Variants in RET observed in about 807,000 individuals in gnomAD.
RET encodes the protein ret proto-oncogene.
In RET, 19 loss-of-function variants were observed where a neutral mutation model predicts 118.3. That is an observed-to-expected ratio of 0.16 (90% CI 0.11 to 0.24). The LOEUF (loss-of-function observed/expected upper bound fraction) is 0.24, where lower values mean the gene tolerates loss of function less well. RET is among the 10% of genes least tolerant of loss of function. The probability of loss-of-function intolerance (pLI) is 1.00; values close to 1 mark genes in which losing one functional copy is unlikely to be tolerated. For synonymous variants in RET, 597 were observed against 644.1 expected (o/e 0.93, Z 1.11); for missense variants, 1,219 against 1,502.1 (o/e 0.81, Z 3.12).
intron 1 of RET, among the ~76,000 whole-genome samples, chr10:43,084,110 T>TC (rs1264120001): frequency 6.6e-6 from 1 of 152,246 alleles, no homozygotes; most frequent in East Asian, 1.9e-4. Context: ...TAGTGTGCCG[T>TC]CACCCATTCA....
At position 43,128,694 on chromosome 10, in the gene RET, A is replaced by G. The variant is rs1315914130; in HGVS notation, c.*425A>G. On this transcript the variant is annotated 3_prime_UTR_variant, in exon 20 of 20. Transcript: ENST00000355710. ...AAAAAAATTTAAACATGAAGCACAC[A>G]CACAAAAAAGGCAGTAGGAAAAATG... The G allele has an allele frequency of 2.6e-6, 1 of 389,956 alleles. No homozygotes were observed. Among genetic ancestry groups the G allele is most frequent in the Non-Finnish European group, 4.8e-6 (1 of 208,592 alleles). The allele number at this position is 389,956 out of a possible 1,614,324, so 24.2% of individuals were successfully genotyped here.
rs989627119 is a variant in RET, at chr10:43,112,104, G to A, written c.1528G>A (p.Ala510Thr). ...TGCTTGTCTGCCACCTGCAGATGTG[G>A]CCGAGGAGGCGGGCTGCCCCCTGTC... ...LLVTVEGSYV[A>T]EEAGCPLSCA... is the part of the protein sequence containing the mutation. Residue 510 changes from alanine to threonine, a missense_variant, in exon 8 of 20, where the codon GCC becomes ACC. Ala to Thr is a moderately conservative substitution (Grantham distance 58, BLOSUM62 0). This residue lies in a region of RET where 850 missense variants were observed against 969.6 expected (regional missense o/e 0.88). Coordinates refer to ENST00000355710, the MANE Select transcript of RET (RefSeq NM_020975.6). The A allele has an allele frequency of 2.5e-6, 4 of 1,601,068 alleles. No individual in the cohort carries two copies. The African/African-American group carries it at 4.0e-5, about 16-fold the overall frequency.
chr10:43,110,005 G>A (rs544428783), intron 6 of RET, among the ~76,000 whole-genome samples: 3 of 152,244 alleles, frequency 2.0e-5, no homozygotes, highest in East Asian at 3.9e-4. Context: ...CAGTTCTTTC[G>A]GGTGGTTCTG....
chr10:43,081,708 A>G (rs1208950901), intron 1 of RET, among the ~76,000 whole-genome samples: 1 of 152,260 alleles, frequency 6.6e-6, no homozygotes, highest in East Asian at 1.9e-4. Context: ...CTTGGGGTCC[A>G]TGACCCAGGC....
chr10:43,077,568 C>T (rs1411899810), intron 1 of RET, among the ~76,000 whole-genome samples: 2 of 150,524 alleles, frequency 1.3e-5, no homozygotes, highest in Admixed American at 1.3e-4. Flanking sequence ...GGGAGCGGAG[C>T]GCGGGCCGGG....
Position 43,124,886 on chromosome 10 carries a change from C to T in RET, c.2943C>T (p.Tyr981=), listed in dbSNP as rs147318495. 62 of 1,613,958 alleles carry T rather than the reference C, an allele frequency of 3.8e-5. No individual in the cohort carries two copies. In the African/African-American group the frequency reaches 8.1e-4, roughly 21 times the overall value. ...ERPDNCSEEM[Y]RLMLQCWKQE... is the part of the protein sequence containing the mutation. ...GCCTGTCTGCTCTTCCCACCAGGTA[C>T]CGCCTGATGCTGCAATGCTGGAAGC... is the stretch of plus-strand genomic sequence containing the variant. The change falls in exon 18 of 20, where the codon TAC becomes TAT. Residue 981 remains tyrosine (Y), a synonymous_variant. Transcript: ENST00000355710.
intron 15 of RET, among the ~76,000 whole-genome samples, chr10:43,120,908 G>A (rs1838201220): frequency 6.6e-6 from 1 of 150,870 alleles, no homozygotes; most frequent in African/African-American, 2.5e-5. Flanking sequence ...CCGCCCAGAC[G>A]TTCAGAGCAG....
At chr10:43,088,175 CGGTGAT>C (rs1471130808) in intron 1 of RET, among the ~76,000 whole-genome samples, 1 of 134,852 alleles carries the variant, frequency 7.4e-6, no homozygotes, top group East Asian at 2.2e-4. Context: ...GTGGAGGCAA[CGGTGAT>C]GGTGGTGGTG....
At position 43,077,220 on chromosome 10, in the gene RET, C is replaced by G. The variant is rs1444095474; in HGVS notation, c.-39C>G. The G allele has an allele frequency of 2.7e-6, 4 of 1,471,822 alleles. No homozygotes were observed. The highest frequency in any genetic ancestry group is 2.7e-6 in the Non-Finnish European group (3 of 1,114,546). The allele number at this position is 1,471,822 out of a possible 1,614,324, so 91.2% of individuals were successfully genotyped here. On this transcript the variant is annotated 5_prime_UTR_variant, in exon 1 of 20. Transcript: ENST00000355710. ...CGCCATCCAGACCCGCCGGCCCTAG[C>G]CGCAGTCCCTCCAGCCGTGGCCCCA...
rs376464605 is a variant in RET, at chr10:43,111,314, A to T, written c.1371A>T (p.Ser457=). The T allele has an allele frequency of 1.2e-5, 19 of 1,614,036 alleles. No homozygotes were observed. The African/African-American group carries it at 2.4e-4, about 20-fold the overall frequency. ...ANCSTLGVVT[S]AEDTSGILFV... ...GCAGCACGCTAGGGGTGGTCACCTC[A>T]GCCGAGGACACCTCGGGGATCCTGT... The change falls in exon 7 of 20, where the codon TCA becomes TCT. Residue 457 remains serine, a synonymous_variant. Transcript: ENST00000355710.
In RET at chr10:43,111,482, G is replaced by A. The variant is rs760269666; in HGVS notation, c.1522+17G>A. On this transcript the variant is annotated intron_variant, in intron 7 of 19. Coordinates refer to ENST00000355710, the MANE Select transcript of RET (RefSeq NM_020975.6). ...AGGGGTCATGTGAGTGCCTGCTCCA[G>A]GGAGGGAGGGTCGGGGTCCTGGGGG... 6.9e-6 allele frequency: 11 copies of A among 1,605,234 alleles called. No homozygotes were observed. The highest frequency in any genetic ancestry group is 9.4e-6 in the Non-Finnish European group (11 of 1,173,932).
rs1408196943 is a variant in RET at position 43,123,703 on chromosome 10, T to A, written c.2834T>A (p.Val945Glu). 6.2e-7 allele frequency: 1 copy of A among 1,614,166 alleles called. No homozygotes were observed. The highest frequency in any genetic ancestry group is 1.7e-5 in the Admixed American group (1 of 60,028). The change falls in exon 17 of 20, where the codon GTG (valine) becomes GAG (glutamate). Residue 945 changes from valine to glutamate, a missense_variant. Around this residue, in one of 5 missense-constraint regions of RET, gnomAD observed 73 missense variants for 156.5 expected, o/e 0.47. Coordinates refer to ENST00000355710, the MANE Select transcript of RET (RefSeq NM_020975.6). The stretch of plus-strand genomic sequence containing the variant: ...TTTGGTGTCCTGCTGTGGGAGATCG[T>A]GACCCTAGGGGGAAACCCCTATCCT... ...WSFGVLLWEI[V>E]TLGGNPYPGI...
chr10:43,090,651 A>G (rs1267738805), intron 1 of RET, among the ~76,000 whole-genome samples: 1 of 152,042 alleles, frequency 6.6e-6, no homozygotes, highest in Non-Finnish European at 1.5e-5. Flanking sequence ...AACACAATCC[A>G]GGCCACTTTA....
At chr10:43,102,730 T>G (rs1837670333) in intron 3 of RET, 101 bp downstream of exon 3, 1 of 1,416,210 alleles carries the variant, frequency 7.1e-7, no homozygotes. Context: ...TTCACCTTCA[T>G]GCCATCAGTT....
At chr10:43,093,154 G>T (rs1212150737) in intron 1 of RET, among the ~76,000 whole-genome samples, 2 of 152,166 alleles carry the variant, frequency 1.3e-5, no homozygotes, top group Admixed American at 1.3e-4. Flanking sequence ...GGCAGAGGGG[G>T]CCCTGGGAGC....
At position 43,100,508 on chromosome 10, in the gene RET, T is replaced by C. The variant is rs1588862420; in HGVS notation, c.123T>C (p.Tyr41=). The C allele has an allele frequency of 2.5e-6, 4 of 1,613,874 alleles. No homozygotes were observed. Among genetic ancestry groups the C allele is most frequent in the South Asian group, 2.2e-5 (2 of 91,080 alleles). ...GGGATGCTTACTGGGAGAAGCTGTA[T>C]GTGGACCAGGCAGCCGGCACGCCCT... ...FSRDAYWEKL[Y]VDQAAGTPLL... is the part of the protein sequence containing the mutation. The change falls in exon 2 of 20, where the codon TAT becomes TAC. Residue 41 remains tyrosine, a synonymous_variant. Transcript: ENST00000355710.
At chr10:43,100,828 C>A in intron 2 of RET, 106 bp downstream of exon 2, 1 of 1,283,282 alleles carries the variant, frequency 7.8e-7, no homozygotes, top group Non-Finnish European at 1.1e-6. Flanking sequence ...TTCCCCCCCA[C>A]CGCTGGTGTG....
Position 43,119,838 on chromosome 10 carries a change from CCCCACCATGCCACACTCTAG to C in RET, c.2607+105_2607+124del. The C allele has an allele frequency of 1.4e-6, 2 of 1,390,698 alleles. 1 individual carries two copies. Among genetic ancestry groups the C allele is most frequent in the South Asian group, 2.4e-5 (2 of 84,892 alleles). 86.1% of individuals were successfully genotyped at this position (1,390,698 alleles called of 1,614,324 possible). A position where few individuals can be genotyped will look rare whatever the true frequency, so the allele number is the denominator to read the frequency against. ...CCACCCACACCCTGGCCTGCCACTC[CCCCACCATGCCACACTCTAG>C]CCCACCATGCCCCTGCCATGGCATG... On this transcript the variant is annotated intron_variant, in intron 14 of 19. Coordinates refer to ENST00000355710, the MANE Select transcript of RET (RefSeq NM_020975.6).
chr10:43,108,295 A>G (rs771360495), intron 5 of RET, among the ~76,000 whole-genome samples: 8 of 152,186 alleles, frequency 5.3e-5, no homozygotes, highest in Non-Finnish European at 1.0e-4. Context: ...TCAAGGCTGC[A>G]ATGAGATGCA....
Sources: gnomAD v4.1 joint callset for allele counts (sites outside exome capture counted in the v4.1 genomes callset) on GRCh38, gnomAD v4.1.1 for gene constraint, gnomAD v4.1.1 regional missense constraint, MANE v1.5 for transcripts, NCBI Gene and HGNC (gene_info 2026-07-23, HGNC 2026-07-21) for gene names.